Variants in UTRN observed in about 807,000 individuals in gnomAD.
The protein encoded by UTRN is utrophin.
UTRN carries 283 observed loss-of-function variants against 463.9 expected under a neutral mutation model. The ratio of observed to expected loss-of-function variants is 0.61; its 90% CI spans 0.55 to 0.67. UTRN has a LOEUF of 0.67. UTRN is among the 30% of genes least tolerant of loss of function. The pLI, the probability that UTRN is intolerant of heterozygous loss-of-function variation, is 0.00. For synonymous variants in UTRN, 1,442 were observed against 1,431.5 expected, an observed-to-expected ratio of 1.01 and a Z score of -0.17; for missense variants, 3,922 against 4,084.3, an observed-to-expected ratio of 0.96 and a Z score of 1.08.
chr6:144,700,270 C>T, intron 53 of UTRN, 27 bp downstream of exon 53: 2 of 1,581,814 alleles, frequency 1.3e-6, no homozygotes, highest in Non-Finnish European at 1.7e-6. Context: ...TAGTGAGTCG[C>T]TTAATTCAAA....
chr6:144,760,854 TTAAGTA>T (rs151127808), intron 58 of UTRN, among the ~76,000 whole-genome samples: 2 of 152,326 alleles, frequency 1.3e-5, no homozygotes, highest in East Asian at 3.9e-4. Context: ...TTTTTGGTGT[TTAAGTA>T]TATCATCTTT....
intron 2 of UTRN, 117 bp from the exon 3 acceptor site, chr6:144,403,006 G>A (rs956494644): frequency 1.2e-6 from 1 of 867,634 alleles, no homozygotes; most frequent in African/African-American, 1.7e-5. Context: ...TGTGCTCAAG[G>A]AGCTCGACTA....
At chr6:144,805,388 G>C (rs1472848519) in intron 65 of UTRN, among the ~76,000 whole-genome samples, 1 of 152,150 alleles carries the variant, frequency 6.6e-6, no homozygotes, top group Non-Finnish European at 1.5e-5. Flanking sequence ...AGACATTTTA[G>C]ATAAAGAAAT....
rs150729438 is a variant in UTRN, at chr6:144,522,131, C to G, written c.5693C>G (p.Ala1898Gly). The change falls in exon 40 of 75, where the codon GCT becomes GGT. Residue 1898 changes from alanine (A) to glycine (G), a missense_variant. Around this residue, in one of 3 missense-constraint regions of UTRN, gnomAD observed 2,349 missense variants for 2,303.8 expected, o/e 1.02. Coordinates refer to ENST00000367545, the MANE Select transcript of UTRN (RefSeq NM_007124.3). ...CTTAATGTTCCAGAGCTCAACACTG[C>G]TATTTACGAAGACTTCTCTTTTCAG... is the stretch of plus-strand genomic sequence containing the variant. ...LSLNVPELNT[A>G]IYEDFSFQED... 211 of 1,559,838 alleles carry G rather than the reference C, an allele frequency of 1.4e-4. No homozygotes were observed. The African/African-American group carries it at 2.7e-3, about 20-fold the overall frequency.
At chr6:144,451,695 T>C (rs981550598) in intron 18 of UTRN, among the ~76,000 whole-genome samples, 1 of 152,108 alleles carries the variant, frequency 6.6e-6, no homozygotes, top group Non-Finnish European at 1.5e-5. Flanking sequence ...ACGTTTTTTT[T>C]TTTTCATCTT....
intron 54 of UTRN, among the ~76,000 whole-genome samples, chr6:144,744,856 G>A (rs897968781): frequency 1.3e-4 from 20 of 152,136 alleles, no homozygotes; most frequent in Non-Finnish European, 2.2e-4. Context: ...TGTGCTCTGT[G>A]TTGACACAAG....
chr6:144,485,482 T>C lies in UTRN; in HGVS notation c.3785T>C (p.Leu1262Pro), dbSNP rs1792344793. The change falls in exon 28 of 75, where the codon CTG becomes CCG. Residue 1262 changes from leucine to proline, a missense_variant. By Grantham distance (98) the Leu-to-Pro change is moderately conservative. This residue lies in a region of UTRN where 2,349 missense variants were observed against 2,303.8 expected (regional missense o/e 1.02). Transcript: ENST00000367545. ...GAGCGGATGAAGAGCACAGAGGTCC[T>C]GCCTGAGAAGACGGATGCTGTCAAC... is the stretch of plus-strand genomic sequence containing the variant. The part of the protein sequence containing the change: ...LEERMKSTEV[L>P]PEKTDAVNEA... 6.2e-7 allele frequency: 1 copy of C among 1,614,174 alleles called. No individual in the cohort carries two copies. Among genetic ancestry groups the C allele is most frequent in the South Asian group, 1.1e-5 (1 of 91,088 alleles).
intron 63 of UTRN, 74 bp from the exon 64 acceptor site, chr6:144,797,750 T>C (rs1448163292): frequency 6.8e-7 from 1 of 1,475,424 alleles, no homozygotes; most frequent in East Asian, 2.3e-5. Flanking sequence ...TTCAGAAGAT[T>C]ATGAAGCAAC....
At chr6:144,341,469 T>C (rs1777134142) in intron 2 of UTRN, among the ~76,000 whole-genome samples, 2 of 152,178 alleles carry the variant, frequency 1.3e-5, no homozygotes, top group Admixed American at 6.5e-5. Flanking sequence ...ATCTCTTTGA[T>C]GTTGATTTGT....
At chr6:144,658,562 T>A (rs1052344433) in intron 51 of UTRN, among the ~76,000 whole-genome samples, 1 of 152,192 alleles carries the variant, frequency 6.6e-6, no homozygotes, top group South Asian at 2.1e-4. Flanking sequence ...CTTTGGTCTA[T>A]GCCCTGATGC....
chr6:144,291,382 T>A (rs1804235688), intron 1 of UTRN, among the ~76,000 whole-genome samples: 1 of 152,246 alleles, frequency 6.6e-6, no homozygotes, highest in Non-Finnish European at 1.5e-5. Flanking sequence ...ATTCTTGTCA[T>A]CTTTAAAGGC....
intron 53 of UTRN, chr6:144,706,604 A>G (rs1297846681): frequency 6.6e-6 from 1 of 152,204 alleles, no homozygotes. Flanking sequence ...TATTCTCATT[A>G]TAATATTCCA....
rs554038636 is a variant in UTRN, at chr6:144,688,579, T to C, written c.7652+10001T>C. Among the ~76,000 whole-genome samples the C allele has an allele frequency of 3.3e-5, 5 of 151,636 alleles. No individual in the cohort carries two copies. In the East Asian group the frequency reaches 7.7e-4, roughly 23 times the overall value. ...TCTTTTTCTCTCCTTGAGGATGTGA[T>C]TTTAATGACTCTAGTTTATTGTAAC... On this transcript the variant is annotated intron_variant, in intron 52 of 74. Coordinates refer to ENST00000367545, the MANE Select transcript of UTRN (RefSeq NM_007124.3).
At chr6:144,625,799 G>A (rs1775884656) in intron 51 of UTRN, among the ~76,000 whole-genome samples, 1 of 152,146 alleles carries the variant, frequency 6.6e-6, no homozygotes, top group Non-Finnish European at 1.5e-5. Context: ...TTGCTTTCAT[G>A]GGGCCAGTTG....
At chr6:144,619,602 G>T (rs576931346) in intron 51 of UTRN, among the ~76,000 whole-genome samples, 5 of 152,158 alleles carry the variant, frequency 3.3e-5, no homozygotes, top group African/African-American at 7.2e-5. Context: ...ATTTATTTCT[G>T]GAGATGTACA....
chr6:144,490,993 G>A lies in UTRN; in HGVS notation c.4328G>A (p.Arg1443His), dbSNP rs372393886. The A allele has an allele frequency of 8.5e-5, 137 of 1,613,758 alleles. No individual in the cohort carries two copies. The highest frequency in any genetic ancestry group is 1.0e-4 in the Non-Finnish European group (122 of 1,179,878). Reference protein sequence around the residue: ...LFQKPANFEQRMLDCKRVLDG... With the variant: ...LFQKPANFEQHMLDCKRVLDG... ...CAGAAGCCAGCTAACTTCGAGCAGC[G>A]CATGCTGGACTGCAAGCGTGTGCTG... Residue 1443 changes from arginine (R) to histidine (H), a missense_variant, in exon 32 of 75, where the codon CGC (arginine) becomes CAC (histidine). Physicochemically the swap from Arg to His is conservative, Grantham distance 29. Coordinates refer to ENST00000367545, the MANE Select transcript of UTRN (RefSeq NM_007124.3).
chr6:144,650,873 C>T (rs931027042), intron 51 of UTRN, among the ~76,000 whole-genome samples: 2 of 152,080 alleles, frequency 1.3e-5, no homozygotes, highest in Non-Finnish European at 2.9e-5. Context: ...TGCGCTACTG[C>T]ACTCCAGCCT....
chr6:144,430,103 T>G (rs967929759), intron 9 of UTRN, among the ~76,000 whole-genome samples: 3 of 152,196 alleles, frequency 2.0e-5, no homozygotes, highest in African/African-American at 7.2e-5. Context: ...GTTTTTTTTC[T>G]AAGTACTAAT....
intron 34 of UTRN, among the ~76,000 whole-genome samples, chr6:144,508,502 G>A (rs1794888888): frequency 6.6e-6 from 1 of 152,144 alleles, no homozygotes; most frequent in Admixed American, 6.5e-5. Context: ...GCTAGGGGAG[G>A]GAGTTCCCCA....
Sources: allele counts gnomAD v4.1 joint callset (sites outside exome capture counted in the v4.1 genomes callset), GRCh38; gene constraint gnomAD v4.1.1; regional missense constraint gnomAD v4.1.1; transcripts MANE v1.5; gene names NCBI Gene and HGNC (gene_info 2026-07-23, HGNC 2026-07-21).